Variants in PACRG observed in about 807,000 individuals in gnomAD.
PACRG encodes the protein parkin coregulated.
Under a neutral mutation model 29.7 loss-of-function variants are expected in PACRG, and 29 were observed. The ratio of observed to expected loss-of-function variants is 0.98; its 90% confidence interval spans 0.73 to 1.33. PACRG has a LOEUF of 1.33. Ranked by LOEUF, PACRG falls within the 40% of genes most tolerant of loss-of-function variation. PACRG has a pLI of 0.00. For missense variants in PACRG, 279 were observed against 316.2 expected, an observed-to-expected ratio of 0.88 and a Z score of 0.89; for synonymous variants, 116 against 118.7, an observed-to-expected ratio of 0.98 and a Z score of 0.15.
chr6:163,286,240 A>C (rs952089611), intron 4 of PACRG, among the ~76,000 whole-genome samples: 1 of 152,172 alleles, frequency 6.6e-6, no homozygotes, highest in Admixed American at 6.5e-5. Context: ...TGGAAAGTAA[A>C]ACTGGCGTGA....
chr6:162,885,641 T>C (rs1562698987), intron 2 of PACRG, among the ~76,000 whole-genome samples: 4 of 152,336 alleles, frequency 2.6e-5, no homozygotes, highest in Non-Finnish European at 5.9e-5. Context: ...GAAAATGTGA[T>C]CAGAGGTTTT....
chr6:162,800,942 G>A (rs1159628716), intron 1 of PACRG, among the ~76,000 whole-genome samples: 1 of 152,038 alleles, frequency 6.6e-6, no homozygotes, highest in Non-Finnish European at 1.5e-5. Context: ...AGGCTGCAAG[G>A]GTCCAATCCC....
At chr6:162,875,051 A>G (rs1207917536) in intron 2 of PACRG, among the ~76,000 whole-genome samples, 1 of 152,112 alleles carries the variant, frequency 6.6e-6, no homozygotes, top group Non-Finnish European at 1.5e-5. Context: ...ATGCTTTCAC[A>G]CTCACACATG....
intron 2 of PACRG, among the ~76,000 whole-genome samples, chr6:163,039,995 G>T (rs1297612442): frequency 6.6e-6 from 1 of 152,226 alleles, no homozygotes; most frequent in Non-Finnish European, 1.5e-5. Flanking sequence ...TGGAGAAAAT[G>T]TCTCCAGGAC....
rs1166273425 is a variant in PACRG, at chr6:162,738,497, C to T, written c.156+10106C>T. Among the ~76,000 whole-genome samples, 6 of 152,280 alleles carry T rather than the reference C, an allele frequency of 3.9e-5. No homozygotes were observed. In the South Asian group the frequency reaches 1.2e-3, roughly 32 times the overall value. ...GCAGAGTGACACAGAGTAATAGTGT[C>T]ATAGATTATACCTGTTTGCTATGGG... On this transcript the variant is annotated intron_variant, in intron 1 of 4. Transcript: ENST00000366888.
At chr6:163,147,827 G>A (rs373391524) in intron 4 of PACRG, among the ~76,000 whole-genome samples, 20 of 152,046 alleles carry the variant, frequency 1.3e-4, no homozygotes, top group Non-Finnish European at 2.1e-4. Context: ...TCCCAGCCCC[G>A]GGGAAGATGC....
At chr6:162,806,757 C>T (rs754869563) in intron 1 of PACRG, among the ~76,000 whole-genome samples, 25 of 152,246 alleles carry the variant, frequency 1.6e-4, no homozygotes, top group Admixed American at 5.2e-4. Context: ...TTTAAGTGCT[C>T]AGTGACCACT....
At chr6:162,809,027 T>A (rs1262305484) in intron 1 of PACRG, among the ~76,000 whole-genome samples, 2 of 152,190 alleles carry the variant, frequency 1.3e-5, no homozygotes, top group Non-Finnish European at 2.9e-5. Flanking sequence ...TGATTTTTTT[T>A]ATGTACAGAT....
intron 2 of PACRG, among the ~76,000 whole-genome samples, chr6:162,884,340 T>C (rs1052779292): frequency 6.6e-6 from 1 of 152,182 alleles, no homozygotes; most frequent in African/African-American, 2.4e-5. Flanking sequence ...AGTATGTTTA[T>C]TGAAAAAAAT....
At chr6:163,224,440 C>G (rs894274371) in intron 4 of PACRG, among the ~76,000 whole-genome samples, 1 of 140,260 alleles carries the variant, frequency 7.1e-6, no homozygotes, top group African/African-American at 2.6e-5. Context: ...AAATACACTA[C>G]AAAGATATAA....
At chr6:162,835,721 A>G (rs1435386498) in intron 2 of PACRG, among the ~76,000 whole-genome samples, 1 of 152,066 alleles carries the variant, frequency 6.6e-6, no homozygotes, top group East Asian at 1.9e-4. Context: ...TGTGCTTTTT[A>G]ATTACCTGCC....
At chr6:162,933,989 C>A (rs964189068) in intron 2 of PACRG, among the ~76,000 whole-genome samples, 2 of 152,070 alleles carry the variant, frequency 1.3e-5, no homozygotes, top group African/African-American at 4.8e-5. Flanking sequence ...CACAACTGGG[C>A]GCGGTGGCTC....
chr6:163,314,102 G>A (rs1785549445), intron 4 of PACRG, among the ~76,000 whole-genome samples: 1 of 152,124 alleles, frequency 6.6e-6, no homozygotes, highest in South Asian at 2.1e-4. Flanking sequence ...TTCCCTCGTA[G>A]CATCAGAGGC....
intron 4 of PACRG, among the ~76,000 whole-genome samples, chr6:163,105,746 C>T (rs1332788632): frequency 2.6e-5 from 4 of 152,052 alleles, no homozygotes; most frequent in African/African-American, 7.2e-5. Context: ...AACATTGTGA[C>T]GTGATCCTGT....
rs1205150673 is a variant in PACRG at position 163,055,332 on chromosome 6, ACACACACATGCACACACACACG to A, written c.292-6809_292-6788del. 2.8e-5 allele frequency among the ~76,000 whole-genome samples: 3 copies of A among 107,886 alleles called. No individual in the cohort carries two copies. Among genetic ancestry groups the A allele is most frequent in the Non-Finnish European group, 6.0e-5 (3 of 49,694 alleles). The allele number at this position is 107,886 out of a possible 152,430, so 70.8% of individuals were successfully genotyped here. A position where few individuals can be genotyped will look rare whatever the true frequency, so the allele number is the denominator to read the frequency against. ...CACATGCACACATATCCAGGTGTGC[ACACACACATGCACACACACACG>A]CACACACACGCACACATATACACAC... On this transcript the variant is annotated intron_variant, in intron 2 of 4. Coordinates refer to ENST00000366888, the MANE Select transcript of PACRG (RefSeq NM_001080379.2). The surrounding 1 kb of genome is among the most constrained non-coding windows in gnomAD (Gnocchi z 4.0).
chr6:162,971,324 T>C (rs1268752280), intron 2 of PACRG, among the ~76,000 whole-genome samples: 1 of 152,186 alleles, frequency 6.6e-6, no homozygotes, highest in African/African-American at 2.4e-5. Context: ...ATGGACCATA[T>C]TGTCAACCTG....
At chr6:162,882,327 C>T (rs1219947217) in intron 2 of PACRG, among the ~76,000 whole-genome samples, 1 of 151,700 alleles carries the variant, frequency 6.6e-6, no homozygotes, top group Non-Finnish European at 1.5e-5. Context: ...GGGGCCCTCT[C>T]CACCATGACC....
chr6:162,756,889 A>G (rs148581029), intron 1 of PACRG, among the ~76,000 whole-genome samples: 6 of 152,284 alleles, frequency 3.9e-5, no homozygotes, highest in East Asian at 3.9e-4. Flanking sequence ...GCTGAGAACA[A>G]CTTTCCTATA....
At chr6:162,819,221 T>G (rs983278976) in intron 2 of PACRG, among the ~76,000 whole-genome samples, 1 of 152,152 alleles carries the variant, frequency 6.6e-6, no homozygotes, top group East Asian at 1.9e-4. Flanking sequence ...CTGCCAAAAA[T>G]GTATCTTCCT....
Sources: allele counts gnomAD v4.1 joint callset (sites outside exome capture counted in the v4.1 genomes callset), GRCh38; gene constraint gnomAD v4.1.1; non-coding constraint Gnocchi (gnomAD v3.1); transcripts MANE v1.5; gene names NCBI Gene and HGNC (gene_info 2026-07-23, HGNC 2026-07-21).